Variants in ADCY8 observed in about 807,000 individuals in gnomAD.
The protein encoded by ADCY8 is adenylate cyclase type 8.
A neutral mutation model predicts 119.7 loss-of-function variants in ADCY8; 51 were observed. The ratio of observed to expected loss-of-function variants is 0.43; its 90% CI spans 0.34 to 0.54. ADCY8 has a LOEUF of 0.54. Among genes scored for constraint, ADCY8 ranks in the 20% least tolerant of loss-of-function variants. ADCY8 has a pLI of 0.03. For synonymous variants in ADCY8, 665 were observed against 651.0 expected (o/e 1.02, Z -0.33); for missense variants, 1,383 against 1,598.8 (o/e 0.87, Z 2.30).
At chr8:130,824,429 A>T (rs918740477) in intron 12 of ADCY8, among the ~76,000 whole-genome samples, 1 of 152,324 alleles carries the variant, frequency 6.6e-6, no homozygotes, top group South Asian at 2.1e-4. Context: ...CTATCAATTC[A>T]GATCTCAGTG....
intron 13 of ADCY8, among the ~76,000 whole-genome samples, chr8:130,815,840 G>A (rs2130177398): frequency 6.6e-6 from 1 of 152,292 alleles, no homozygotes; most frequent in African/African-American, 2.4e-5. Flanking sequence ...GGCGGAATAG[G>A]CATTATAGGA....
chr8:130,799,506 G>A (rs370049052), intron 15 of ADCY8, among the ~76,000 whole-genome samples: 9 of 151,538 alleles, frequency 5.9e-5, no homozygotes, highest in South Asian at 2.1e-4. Flanking sequence ...TTTTTTTCCC[G>A]CCCCAAGCCC....
At chr8:130,867,996 T>G in intron 8 of ADCY8, 50 bp from the exon 9 acceptor site, 1 of 1,264,468 alleles carries the variant, frequency 7.9e-7, no homozygotes, top group Non-Finnish European at 1.1e-6. Flanking sequence ...GAGTGCAGTG[T>G]TTGAGGTTGA....
intron 8 of ADCY8, among the ~76,000 whole-genome samples, chr8:130,883,305 T>C (rs192355703): frequency 6.4e-4 from 98 of 152,268 alleles, no homozygotes; most frequent in Non-Finnish European, 1.1e-3. Flanking sequence ...GGAAAGAAAA[T>C]GTATTTAATT....
intron 7 of ADCY8, among the ~76,000 whole-genome samples, chr8:130,902,657 C>T (rs1347467219): frequency 6.6e-6 from 1 of 152,072 alleles, no homozygotes; most frequent in African/African-American, 2.4e-5. Context: ...TTAACCTTTC[C>T]ATTTAAAATT....
intron 14 of ADCY8, among the ~76,000 whole-genome samples, chr8:130,805,051 G>T (rs1382135111): frequency 1.3e-5 from 2 of 151,542 alleles, no homozygotes; most frequent in Admixed American, 1.3e-4. Context: ...CCAGCCTCAT[G>T]CCCTTTTCCT....
intron 5 of ADCY8, among the ~76,000 whole-genome samples, chr8:130,925,951 A>G (rs910167898): frequency 6.6e-6 from 1 of 152,092 alleles, no homozygotes. Flanking sequence ...TGTCAAGGGG[A>G]GAGAGAGTTA....
At chr8:131,035,516 T>A (rs1824126209) in intron 1 of ADCY8, among the ~76,000 whole-genome samples, 1 of 152,142 alleles carries the variant, frequency 6.6e-6, no homozygotes, top group African/African-American at 2.4e-5. Context: ...CCATTTTGTA[T>A]CCACAGTGGA....
chr8:130,785,870 C>T (rs1417874688), intron 15 of ADCY8, among the ~76,000 whole-genome samples: 1 of 152,226 alleles, frequency 6.6e-6, no homozygotes, highest in Non-Finnish European at 1.5e-5. Context: ...TCTGCTCCAG[C>T]TGCACTGATC....
chr8:130,878,568 T>C (rs933021152), intron 8 of ADCY8, among the ~76,000 whole-genome samples: 28 of 152,178 alleles, frequency 1.8e-4, no homozygotes, highest in Admixed American at 2.0e-4. Flanking sequence ...CAGAGAAAGA[T>C]GGCCAACAAC....
At chr8:130,896,042 C>T (rs2130500071) in intron 7 of ADCY8, among the ~76,000 whole-genome samples, 1 of 152,194 alleles carries the variant, frequency 6.6e-6, no homozygotes, top group African/African-American at 2.4e-5. Flanking sequence ...CTTGCTTTTT[C>T]TCCCATTCTA....
intron 1 of ADCY8, among the ~76,000 whole-genome samples, chr8:130,996,210 T>C (rs1822769161): frequency 6.6e-6 from 1 of 152,162 alleles, no homozygotes; most frequent in Non-Finnish European, 1.5e-5. Flanking sequence ...TTAAAAATGC[T>C]ATTATTAACT....
chr8:130,865,224 T>C (rs1818074755), intron 9 of ADCY8, among the ~76,000 whole-genome samples: 1 of 152,194 alleles, frequency 6.6e-6, no homozygotes, highest in South Asian at 2.1e-4. Flanking sequence ...TTTTAAATTT[T>C]CTTTTTGACT....
chr8:130,915,776 T>C (rs1032838110), intron 5 of ADCY8, among the ~76,000 whole-genome samples: 1 of 152,236 alleles, frequency 6.6e-6, no homozygotes, highest in African/African-American at 2.4e-5. Flanking sequence ...TACCCTTTTC[T>C]GCTAAAACTC....
At position 130,940,112 on chromosome 8, in the gene ADCY8, C is replaced by A. The variant is rs377292837; in HGVS notation, c.1354-2912G>T. On this transcript the variant is annotated intron_variant, in intron 4 of 17. Coordinates refer to ENST00000286355, the MANE Select transcript of ADCY8 (RefSeq NM_001115.3). ...AGGCAATGTACTAAATGCATTACAC[C>A]TATCTCAGTCTTCAGGACCACTTTC... Among the ~76,000 whole-genome samples, 150 of 152,310 alleles carry A rather than the reference C, an allele frequency of 9.8e-4. 1 individual carries two copies. Among genetic ancestry groups the A allele is most frequent in the African/African-American group, 3.5e-3 (147 of 41,542 alleles).
chr8:130,950,402 G>T (rs1366749478), intron 3 of ADCY8, among the ~76,000 whole-genome samples: 1 of 152,188 alleles, frequency 6.6e-6, no homozygotes, highest in Non-Finnish European at 1.5e-5. Flanking sequence ...AGTTTCTGGG[G>T]CTGCAGGAGG....
In ADCY8 at chr8:130,836,143, T is replaced by C. The variant is rs117683446; in HGVS notation, c.2675+134A>G. On this transcript the variant is annotated intron_variant, in intron 12 of 17. Coordinates refer to ENST00000286355, the MANE Select transcript of ADCY8 (RefSeq NM_001115.3). ...TTGCTTGGACTTGTAAACTACAGAA[T>C]GCCTGATTTGAGATATAAGTCAATA... is the stretch of plus-strand genomic sequence containing the variant. The C allele has an allele frequency of 1.1e-3, 1,117 of 983,388 alleles. 11 individuals carry two copies. In the East Asian group the frequency reaches 0.027, roughly 24 times the overall value. 60.9% of individuals were successfully genotyped at this position (983,388 alleles called of 1,614,324 possible). A position where few individuals can be genotyped will look rare whatever the true frequency, so the allele number is the denominator to read the frequency against.
chr8:130,917,445 G>A (rs1808778337), intron 5 of ADCY8, among the ~76,000 whole-genome samples: 1 of 152,164 alleles, frequency 6.6e-6, no homozygotes, highest in South Asian at 2.1e-4. Context: ...CTTTGCTGCT[G>A]CTTGCACTCC....
chr8:130,835,943 A>G (rs2130258865), intron 12 of ADCY8, among the ~76,000 whole-genome samples: 1 of 152,304 alleles, frequency 6.6e-6, no homozygotes, highest in South Asian at 2.1e-4. Context: ...AGTGGCTGCT[A>G]TTATTAATAT....
Sources: allele counts gnomAD v4.1 joint callset (sites outside exome capture counted in the v4.1 genomes callset), GRCh38; gene constraint gnomAD v4.1.1; transcripts MANE v1.5; gene names NCBI Gene and HGNC (gene_info 2026-07-23, HGNC 2026-07-21).